Variants in ZNF442 observed in about 807,000 individuals in gnomAD.
ZNF442 encodes zinc finger protein 442.
Under a neutral mutation model 57.0 loss-of-function variants are expected in ZNF442, and 45 were observed. The ratio of observed to expected loss-of-function variants is 0.79; its 90% CI spans 0.62 to 1.01. ZNF442 has a LOEUF of 1.01. ZNF442 is among the 50% of genes least tolerant of loss of function. The probability of loss-of-function intolerance (pLI) is 0.00; values close to 1 mark genes in which losing one functional copy is unlikely to be tolerated. For synonymous variants in ZNF442, 213 were observed against 241.8 expected (o/e 0.88, Z 1.10); for missense variants, 690 against 756.5 (o/e 0.91, Z 1.03).
rs1969271450 is a variant in ZNF442, at chr19:12,353,087, C to T, written c.106G>A (p.Val36Met). 1 of 1,613,278 alleles carries T rather than the reference C, an allele frequency of 6.2e-7. No homozygotes were observed. The highest frequency in any genetic ancestry group is 8.5e-7 in the Non-Finnish European group (1 of 1,179,718). The change falls in exon 4 of 6, where the codon GTG becomes ATG. Residue 36 changes from valine (V) to methionine (M), a missense_variant. Physicochemically the swap from Val to Met is conservative, Grantham distance 21 (BLOSUM62 1). Coordinates refer to ENST00000242804, the MANE Select transcript of ZNF442 (RefSeq NM_030824.3). ...YDSVAFEDVA[V>M]NFTQEEWALL... ...GCCCACTCTTCCTGGGTGAAGTTCA[C>T]CGCCACATCCTCAAAGGCTACTGAA...
At chr19:12,361,450 A>G (rs377296745) in intron 3 of ZNF442, among the ~76,000 whole-genome samples, 1 of 152,238 alleles carries the variant, frequency 6.6e-6, no homozygotes, top group East Asian at 1.9e-4. Context: ...AAGTTTTGGT[A>G]AATCTTTATA....
upstream of ZNF442, among the ~76,000 whole-genome samples, chr19:12,370,103 T>C (rs1423981402): frequency 6.6e-6 from 1 of 151,830 alleles, no homozygotes; most frequent in Non-Finnish European, 1.5e-5. Context: ...ACATTGATTG[T>C]GCACTTAAAT....
chr19:12,361,867 A>AC (rs1969433743), intron 3 of ZNF442, among the ~76,000 whole-genome samples: 1 of 152,118 alleles, frequency 6.6e-6, no homozygotes, highest in South Asian at 2.1e-4. Flanking sequence ...TTGCAGGAGC[A>AC]CGCCACCACG....
At position 12,349,801 on chromosome 19, in the gene ZNF442, G is replaced by C. The variant is rs1450722835; in HGVS notation, c.1784C>G (p.Thr595Ser). 1 of 1,614,174 alleles carries C rather than the reference G, an allele frequency of 6.2e-7. No individual in the cohort carries two copies. Residue 595 changes from threonine (T) to serine (S), a missense_variant, in exon 6 of 6, where the codon ACT becomes AGT. Transcript: ENST00000242804. ...CTTACATTCATGCATCTTCTCTCCA[G>C]TGTGAGTTTTTTCATGTCCTCGAAG... ...RFLRGHEKTHTGEKMHECKEC... is the reference protein window; with the variant it reads ...RFLRGHEKTHSGEKMHECKEC...
chr19:12,354,192 T>TG, intron 3 of ZNF442, among the ~76,000 whole-genome samples: 1 of 152,302 alleles, frequency 6.6e-6, no homozygotes, highest in Middle Eastern at 3.4e-3. Context: ...ACATGTTACT[T>TG]GGGGATTCAG....
intron 3 of ZNF442, among the ~76,000 whole-genome samples, chr19:12,362,887 A>G (rs998082696): frequency 2.0e-5 from 3 of 147,522 alleles, no homozygotes; most frequent in African/African-American, 7.4e-5. Flanking sequence ...TGCCTTGGGA[A>G]AAAAAAAAAA....
At chr19:12,369,563 A>C (rs1969564616), upstream of ZNF442, among the ~76,000 whole-genome samples, 1 of 151,354 alleles carries the variant, frequency 6.6e-6, no homozygotes, top group Non-Finnish European at 1.5e-5. Context: ...GGTTGCAGTG[A>C]GCACTCCAGC....
intron 3 of ZNF442, among the ~76,000 whole-genome samples, chr19:12,361,698 CT>C (rs1315882178): frequency 6.7e-6 from 1 of 148,648 alleles, no homozygotes; most frequent in Admixed American, 6.7e-5. Flanking sequence ...CCCCCTCCCC[CT>C]CTCGCTGTCC....
chr19:12,368,739 G>A (rs959179057), upstream of ZNF442, among the ~76,000 whole-genome samples: 1 of 152,188 alleles, frequency 6.6e-6, no homozygotes, highest in African/African-American at 2.4e-5. Context: ...TCCCCTGCTA[G>A]GACAGATAAT....
At chr19:12,359,820 T>C (rs573066157) in intron 3 of ZNF442, among the ~76,000 whole-genome samples, 81 of 151,918 alleles carry the variant, frequency 5.3e-4, no homozygotes, top group African/African-American at 1.9e-3. Context: ...TCTACAAAAA[T>C]ACAAAAAATT....
At chr19:12,367,149 G>A (rs149189385), upstream of ZNF442, among the ~76,000 whole-genome samples, 1,282 of 152,272 alleles carry the variant, frequency 8.4e-3, 19 homozygotes, top group African/African-American at 0.029. Flanking sequence ...TTTCAACGTA[G>A]GTTCTATTTT....
At chr19:12,362,154 G>T (rs1431992900) in intron 3 of ZNF442, among the ~76,000 whole-genome samples, 1 of 152,224 alleles carries the variant, frequency 6.6e-6, no homozygotes, top group Non-Finnish European at 1.5e-5. Context: ...CATCTGGGAA[G>T]CGAGGAGCAT....
chr19:12,363,700 T>C (rs924901122), intron 2 of ZNF442, 29 bp from the exon 3 acceptor site: 27 of 1,406,748 alleles, frequency 1.9e-5, no homozygotes, highest in Non-Finnish European at 2.7e-5. Context: ...AAGGTGATTG[T>C]CCCAAGGGTT....
chr19:12,350,631 C>T lies in ZNF442; in HGVS notation c.954G>A (p.Glu318=). The T allele has an allele frequency of 6.2e-7, 1 of 1,614,174 alleles. No individual in the cohort carries two copies. ...CGCATTGCTTGCATTCATAGGGTTT[C>T]TCTCCAGTGTGAGTTCTTTCATGTA... ...LRIHERTHTG[E]KPYECKQCGK... Residue 318 remains glutamate (E), a synonymous_variant, in exon 6 of 6, where the codon GAG becomes GAA. Coordinates refer to ENST00000242804, the MANE Select transcript of ZNF442 (RefSeq NM_030824.3).
chr19:12,351,053 T>C lies in ZNF442; in HGVS notation c.532A>G (p.Lys178Glu). Residue 178 changes from lysine to glutamate, a missense_variant, in exon 6 of 6, where the codon AAG becomes GAG. Transcript: ENST00000242804. ...CATTCCTTACAATCATAGCGTTTCTTTCCAGTGTGAGGTCTTTCCTGTGTT... is the reference window on the plus strand; with the variant it reads ...CATTCCTTACAATCATAGCGTTTCTCTCCAGTGTGAGGTCTTTCCTGTGTT... ...FQTQERPHTG[K>E]KRYDCKECGK... is the part of the protein sequence containing the mutation. The C allele has an allele frequency of 1.2e-6, 2 of 1,614,150 alleles. No homozygotes were observed. Among genetic ancestry groups the C allele is most frequent in the Non-Finnish European group, 1.7e-6 (2 of 1,180,008 alleles).
chr19:12,355,581 G>C (rs1294869874), intron 3 of ZNF442, among the ~76,000 whole-genome samples: 1 of 150,188 alleles, frequency 6.7e-6, no homozygotes, highest in Non-Finnish European at 1.5e-5. Context: ...GGCTGGTCTT[G>C]AACTCCTGAC....
At chr19:12,353,166 A>C in intron 3 of ZNF442, 52 bp from the exon 4 acceptor site, 1 of 1,536,518 alleles carries the variant, frequency 6.5e-7, no homozygotes, top group Non-Finnish European at 8.7e-7. Flanking sequence ...ATAGTACCAA[A>C]AATTTACACC....
rs1361741460 is a variant in ZNF442, at chr19:12,346,960, T to C, written c.*2741A>G. On this transcript the variant is annotated 3_prime_UTR_variant, in exon 6 of 6. Transcript: ENST00000242804. Reference sequence around the variant, plus strand: ...GGATAGGATGGAATAGGTAATTACATGTATGGAACACTAAGTAGATAGAGC... The same window carrying C: ...GGATAGGATGGAATAGGTAATTACACGTATGGAACACTAAGTAGATAGAGC... The C allele has an allele frequency of 2.0e-5, 3 of 152,180 alleles. No homozygotes were observed. Among genetic ancestry groups the C allele is most frequent in the Non-Finnish European group, 4.4e-5 (3 of 68,026 alleles). 9.4% of individuals were successfully genotyped at this position (152,180 alleles called of 1,614,324 possible). A position where few individuals can be genotyped will look rare whatever the true frequency, so the allele number is the denominator to read the frequency against.
At chr19:12,356,636 A>AAAAAAAGAG (rs1032081069) in intron 3 of ZNF442, among the ~76,000 whole-genome samples, 12 of 151,772 alleles carry the variant, frequency 7.9e-5, no homozygotes, top group African/African-American at 2.7e-4. Flanking sequence ...TCAAAAAAAA[A>AAAAAAAGAG]AGAGAGAGAG....
Sources: gnomAD v4.1 joint callset for allele counts (sites outside exome capture counted in the v4.1 genomes callset) on GRCh38, gnomAD v4.1.1 for gene constraint, MANE v1.5 for transcripts, NCBI Gene and HGNC (gene_info 2026-07-23, HGNC 2026-07-21) for gene names.